The following SIK2 variants were observed in gnomAD, a reference collection of about 807,000 sequenced individuals.
SIK2 encodes salt inducible kinase 2.
In SIK2, 29 loss-of-function variants were observed where a neutral mutation model predicts 103.2. The ratio of observed to expected loss-of-function variants is 0.28; its 90% confidence interval spans 0.21 to 0.38. The LOEUF is 0.38. Ranked by LOEUF, SIK2 falls within the 10% of genes least tolerant of loss-of-function variation. The pLI is 1.00. For synonymous variants in SIK2, 412 were observed against 446.1 expected (o/e 0.92, Z 0.96); for missense variants, 879 against 1,171.0 (o/e 0.75, Z 3.64).
At chr11:111,628,731 T>C (rs1941998970) in intron 3 of SIK2, among the ~76,000 whole-genome samples, 1 of 152,104 alleles carries the variant, frequency 6.6e-6, no homozygotes, top group Admixed American at 6.6e-5. Context: ...TGGCCTACTT[T>C]CATTTATTTT....
At chr11:111,718,786 G>A (rs979932811) in intron 9 of SIK2, 3 of 152,188 alleles carry the variant, frequency 2.0e-5, no homozygotes, top group Non-Finnish European at 2.9e-5. Flanking sequence ...AGAACTCAGC[G>A]TCTTATGACT....
At chr11:111,673,624 T>C (rs961301944) in intron 3 of SIK2, among the ~76,000 whole-genome samples, 1 of 152,206 alleles carries the variant, frequency 6.6e-6, no homozygotes, top group African/African-American at 2.4e-5. Flanking sequence ...ATTCCATACA[T>C]CTAACTTCTC....
At chr11:111,712,629 GCTCA>G (rs1159053092) in intron 9 of SIK2, among the ~76,000 whole-genome samples, 1 of 152,058 alleles carries the variant, frequency 6.6e-6, no homozygotes, top group African/African-American at 2.4e-5. Context: ...TGTCTTTCTC[GCTCA>G]CTAATTCCTT....
At position 111,729,812 on chromosome 11, in the gene SIK2, C is replaced by G. The variant is rs765962703; in HGVS notation, c.*5683C>G. On this transcript the variant is annotated 3_prime_UTR_variant, in exon 15 of 15. Coordinates refer to ENST00000304987, the MANE Select transcript of SIK2 (RefSeq NM_015191.3). ...GCTGTCCAGGTGGCCGTGCACTGAA[C>G]CAGGCTGAGGGAGACAAAAACCCCG... 1.3e-5 allele frequency: 2 copies of G among 152,302 alleles called. No individual in the cohort carries two copies. The allele number at this position is 152,302 out of a possible 1,614,324, so 9.4% of individuals were successfully genotyped here. A position where few individuals can be genotyped will look rare whatever the true frequency, so the allele number is the denominator to read the frequency against.
chr11:111,712,357 G>A lies in SIK2; in HGVS notation c.1248G>A (p.Glu416=), dbSNP rs1565382848. The A allele has an allele frequency of 1.9e-6, 3 of 1,614,136 alleles. No individual in the cohort carries two copies. The South Asian group carries it at 3.3e-5, about 18-fold the overall frequency. Residue 416 remains glutamate (E), a synonymous_variant, in exon 9 of 15, where the codon GAG becomes GAA. Coordinates refer to ENST00000304987, the MANE Select transcript of SIK2 (RefSeq NM_015191.3). The part of the protein sequence containing the change: ...CQAEAAFMEE[E]CVDTPKVNGC... ...CGGAAGCTGCATTCATGGAAGAAGAGTGTGTGGACACTCCAAAGGTACGGC... is the reference window on the plus strand; with the variant it reads ...CGGAAGCTGCATTCATGGAAGAAGAATGTGTGGACACTCCAAAGGTACGGC...
At chr11:111,655,283 TC>T (rs1591602702) in intron 3 of SIK2, among the ~76,000 whole-genome samples, 1 of 151,994 alleles carries the variant, frequency 6.6e-6, no homozygotes, top group East Asian at 1.9e-4. Flanking sequence ...ATGCCTGTAA[TC>T]CCAGCTACTC....
intron 3 of SIK2, among the ~76,000 whole-genome samples, chr11:111,627,835 C>G (rs1204302867): frequency 2.0e-5 from 3 of 152,130 alleles, no homozygotes; most frequent in Non-Finnish European, 4.4e-5. Context: ...AGATCATACT[C>G]TGTTCTTGCA....
chr11:111,706,732 T>G (rs1402705835), intron 8 of SIK2, among the ~76,000 whole-genome samples: 3 of 151,884 alleles, frequency 2.0e-5, no homozygotes, highest in African/African-American at 4.8e-5. Context: ...GAGGCTGAGG[T>G]GGGTGGATCA....
At chr11:111,668,799 G>T (rs1451684682) in intron 3 of SIK2, among the ~76,000 whole-genome samples, 1 of 152,234 alleles carries the variant, frequency 6.6e-6, no homozygotes, top group Non-Finnish European at 1.5e-5. Flanking sequence ...AATAGTTCAG[G>T]CAAGGGATAA....
chr11:111,606,571 C>T (rs138761188), intron 1 of SIK2, among the ~76,000 whole-genome samples: 2 of 152,108 alleles, frequency 1.3e-5, no homozygotes, highest in African/African-American at 4.8e-5. Flanking sequence ...GGATGAATAT[C>T]GTTTTACCTA....
chr11:111,721,973 C>G, intron 13 of SIK2, 33 bp downstream of exon 13: 1 of 1,483,028 alleles, frequency 6.7e-7, no homozygotes, highest in Non-Finnish European at 9.1e-7. Context: ...CCACCTCACT[C>G]TGCTCATCCA....
intron 3 of SIK2, among the ~76,000 whole-genome samples, chr11:111,656,303 T>G (rs1942391405): frequency 6.6e-6 from 1 of 152,204 alleles, no homozygotes; most frequent in African/African-American, 2.4e-5. Context: ...TTATATTACT[T>G]TTAACTATTT....
At chr11:111,636,581 A>G (rs575738528) in intron 3 of SIK2, among the ~76,000 whole-genome samples, 1 of 152,298 alleles carries the variant, frequency 6.6e-6, no homozygotes, top group Admixed American at 6.5e-5. Context: ...GGAAGGTAAG[A>G]TGGATAGGAA....
chr11:111,688,187 A>G lies in SIK2; in HGVS notation c.478+25A>G. 1 of 1,613,404 alleles carries G rather than the reference A, an allele frequency of 6.2e-7. No homozygotes were observed. The highest frequency in any genetic ancestry group is 8.5e-7 in the Non-Finnish European group (1 of 1,179,442). ...GGTAACTGGGACACAACTGGCTCTA[A>G]TAAGATCCGAAGTGAGCCACTGCAC... is the stretch of plus-strand genomic sequence containing the variant. On this transcript the variant is annotated intron_variant, in intron 4 of 14. Transcript: ENST00000304987. This position sits in a 1 kb window ranked among gnomAD's most constrained non-coding sequence, Gnocchi z 4.2.
chr11:111,655,038 T>C (rs1942373641), intron 3 of SIK2, among the ~76,000 whole-genome samples: 1 of 152,240 alleles, frequency 6.6e-6, no homozygotes, highest in African/African-American at 2.4e-5. Flanking sequence ...TGTTCTACAA[T>C]GAAGCAATTT....
intron 3 of SIK2, among the ~76,000 whole-genome samples, chr11:111,640,177 T>C (rs183858356): frequency 6.6e-6 from 1 of 152,236 alleles, no homozygotes; most frequent in Admixed American, 6.5e-5. Context: ...ATATCTTAGC[T>C]TGTGATTTTC....
At chr11:111,721,422 C>A (rs554242139) in intron 12 of SIK2, among the ~76,000 whole-genome samples, 4 of 152,324 alleles carry the variant, frequency 2.6e-5, no homozygotes, top group Admixed American at 2.0e-4. Context: ...TGAGAAGCTT[C>A]TCACCACTAC....
At position 111,617,838 on chromosome 11, in the gene SIK2, A is replaced by ATG. The variant is rs995268057; in HGVS notation, c.252+1491_252+1492dup. Among the ~76,000 whole-genome samples, 16 of 150,104 alleles carry ATG rather than the reference A, an allele frequency of 1.1e-4. 1 individual carries two copies. The highest frequency in any genetic ancestry group is 4.3e-4 in the South Asian group (2 of 4,616). ...CCATATGTGCCATGTGTGTTTGTGT[A>ATG]TGTGTGTGTGTGTATATATATATAC... is the stretch of plus-strand genomic sequence containing the variant. On this transcript the variant is annotated intron_variant, in intron 2 of 14. Transcript: ENST00000304987.
At chr11:111,712,186 C>T (rs1943514802) in intron 8 of SIK2, 25 bp from the exon 9 acceptor site, 1 of 1,608,100 alleles carries the variant, frequency 6.2e-7, no homozygotes, top group Admixed American at 1.7e-5. Context: ...TGTTCCCAAA[C>T]TGTCTGTTCT....
Sources: allele counts gnomAD v4.1 joint callset (sites outside exome capture counted in the v4.1 genomes callset), GRCh38; gene constraint gnomAD v4.1.1; non-coding constraint Gnocchi (gnomAD v3.1); transcripts MANE v1.5; gene names NCBI Gene and HGNC (gene_info 2026-07-23, HGNC 2026-07-21).